Variants in UBE2QL1 observed in about 807,000 individuals in gnomAD.
UBE2QL1 encodes the protein ubiquitin conjugating enzyme E2 QL1.
A neutral mutation model predicts 12.6 loss-of-function variants in UBE2QL1; 5 were observed. That is an observed-to-expected ratio of 0.40 (90% CI 0.21 to 0.83). The LOEUF is 0.83. UBE2QL1 is among the 40% of genes least tolerant of loss of function. The pLI, the probability that UBE2QL1 is intolerant of heterozygous loss-of-function variation, is 0.37. For synonymous variants in UBE2QL1, 96 were observed against 94.5 expected (o/e 1.02, Z -0.10); for missense variants, 99 against 222.6 (o/e 0.44, Z 3.53).
chr5:6,465,476 A>G (rs1460567899), intron 1 of UBE2QL1, among the ~76,000 whole-genome samples: 1 of 152,240 alleles, frequency 6.6e-6, no homozygotes, highest in Non-Finnish European at 1.5e-5. Flanking sequence ...TTTTAATTTC[A>G]TAACAGAAAA....
In UBE2QL1 at chr5:6,495,476, G is replaced by A. The variant is rs372508252; in HGVS notation, c.*4127G>A. On this transcript the variant is annotated 3_prime_UTR_variant, in exon 2 of 2. Transcript: ENST00000399816. ...AGAGACTTTGAGGGGCTTGTCCACA[G>A]TAGGACAGGAGCCACAAGGCCACTG... 4.6e-5 allele frequency among the ~76,000 whole-genome samples: 7 copies of A among 152,302 alleles called. No homozygotes were observed. Among genetic ancestry groups the A allele is most frequent in the South Asian group, 2.1e-4 (1 of 4,824 alleles).
At chr5:6,475,099 AT>A (rs1315111597) in intron 1 of UBE2QL1, among the ~76,000 whole-genome samples, 7 of 152,182 alleles carry the variant, frequency 4.6e-5, no homozygotes, top group Non-Finnish European at 1.0e-4. Flanking sequence ...CGATTGAATT[AT>A]TTTCTTTAGC....
intron 1 of UBE2QL1, among the ~76,000 whole-genome samples, chr5:6,488,904 C>T (rs1405051290): frequency 6.6e-6 from 1 of 152,088 alleles, no homozygotes; most frequent in Non-Finnish European, 1.5e-5. Context: ...TTGATCTCAG[C>T]CCACAATTAT....
Position 6,495,111 on chromosome 5 carries a change from G to A in UBE2QL1, c.*3762G>A, listed in dbSNP as rs1156310596. Among the ~76,000 whole-genome samples, 1 of 152,116 alleles carries A rather than the reference G, an allele frequency of 6.6e-6. No individual in the cohort carries two copies. Among genetic ancestry groups the A allele is most frequent in the Non-Finnish European group, 1.5e-5 (1 of 68,028 alleles). On this transcript the variant is annotated 3_prime_UTR_variant, in exon 2 of 2. Transcript: ENST00000399816. The stretch of plus-strand genomic sequence containing the variant: ...AGCAGGTGTAGAAATGGGAGGGGCT[G>A]AGGGCACCTTGAAAGGGAGCGTGGA...
intron 1 of UBE2QL1, among the ~76,000 whole-genome samples, chr5:6,477,237 C>T (rs1435326520): frequency 6.6e-6 from 1 of 152,266 alleles, no homozygotes; most frequent in Non-Finnish European, 1.5e-5. Flanking sequence ...TGGCCGTGAC[C>T]TCCTCCCAGT....
intron 1 of UBE2QL1, among the ~76,000 whole-genome samples, chr5:6,484,901 G>A (rs1268024838): frequency 6.6e-6 from 1 of 151,882 alleles, no homozygotes; most frequent in East Asian, 1.9e-4. Context: ...ATGTGGCCTG[G>A]GGCTCCCTCC....
intron 1 of UBE2QL1, among the ~76,000 whole-genome samples, chr5:6,480,187 T>A (rs1044039689): frequency 4.6e-5 from 7 of 152,354 alleles, no homozygotes; most frequent in Non-Finnish European, 1.0e-4. Context: ...GGGTTCAGAG[T>A]GTGGCCTCCA....
intron 1 of UBE2QL1, among the ~76,000 whole-genome samples, chr5:6,470,263 A>G (rs989979489): frequency 6.6e-6 from 1 of 152,182 alleles, no homozygotes; most frequent in African/African-American, 2.4e-5. Context: ...TAATGCTATG[A>G]TTGCTCTTAC....
At chr5:6,472,470 T>G (rs1392940258) in intron 1 of UBE2QL1, among the ~76,000 whole-genome samples, 1 of 152,154 alleles carries the variant, frequency 6.6e-6, no homozygotes. Flanking sequence ...CCCTCTGTTT[T>G]GCCCCTTGAC....
At chr5:6,487,959 G>A (rs1329213572) in intron 1 of UBE2QL1, among the ~76,000 whole-genome samples, 1 of 152,222 alleles carries the variant, frequency 6.6e-6, no homozygotes, top group Non-Finnish European at 1.5e-5. Context: ...GGAAATAAAG[G>A]GGGAATGCAG....
Position 6,495,517 on chromosome 5 carries a change from C to G in UBE2QL1, c.*4168C>G, listed in dbSNP as rs975153471. Among the ~76,000 whole-genome samples the G allele has an allele frequency of 6.6e-6, 1 of 152,194 alleles. No homozygotes were observed. The highest frequency in any genetic ancestry group is 1.5e-5 in the Non-Finnish European group (1 of 68,044). ...AAGGCCACTGCCTTACTGTGGCTTT[C>G]TGATCCTTTATGTTGCTTCATGAGA... On this transcript the variant is annotated 3_prime_UTR_variant, in exon 2 of 2. Coordinates refer to ENST00000399816, the MANE Select transcript of UBE2QL1 (RefSeq NM_001145161.3).
At chr5:6,455,769 G>A (rs1217039251) in intron 1 of UBE2QL1, among the ~76,000 whole-genome samples, 1 of 151,522 alleles carries the variant, frequency 6.6e-6, no homozygotes, top group Non-Finnish European at 1.5e-5. Context: ...TCACCCACCA[G>A]TAACCACAGC....
At chr5:6,482,055 C>T (rs2126365957) in intron 1 of UBE2QL1, among the ~76,000 whole-genome samples, 1 of 152,272 alleles carries the variant, frequency 6.6e-6, no homozygotes, top group African/African-American at 2.4e-5. Flanking sequence ...GTCCCTAATC[C>T]AATGACTGGT....
intron 1 of UBE2QL1, among the ~76,000 whole-genome samples, chr5:6,460,553 G>A (rs868823980): frequency 5.9e-5 from 9 of 152,274 alleles, no homozygotes; most frequent in African/African-American, 2.2e-4. Context: ...TGCTGTGGAC[G>A]CTTGCTGTTG....
intron 1 of UBE2QL1, among the ~76,000 whole-genome samples, chr5:6,480,381 C>T (rs1734334808): frequency 6.6e-6 from 1 of 152,224 alleles, no homozygotes; most frequent in African/African-American, 2.4e-5. Flanking sequence ...ATCTTGAGAA[C>T]AGGGCCTGGC....
chr5:6,464,436 T>C (rs979523416), intron 1 of UBE2QL1, among the ~76,000 whole-genome samples: 1 of 152,246 alleles, frequency 6.6e-6, no homozygotes, highest in Non-Finnish European at 1.5e-5. Flanking sequence ...TCATAGCACA[T>C]ACCTTGTGGT....
intron 1 of UBE2QL1, among the ~76,000 whole-genome samples, chr5:6,455,689 G>C (rs1174024297): frequency 6.6e-6 from 1 of 152,090 alleles, no homozygotes; most frequent in Non-Finnish European, 1.5e-5. Flanking sequence ...GGGCAGCCCG[G>C]GTTGGAAAAG....
At chr5:6,490,480 T>G (rs1300958623) in intron 1 of UBE2QL1, among the ~76,000 whole-genome samples, 2 of 152,262 alleles carry the variant, frequency 1.3e-5, no homozygotes, top group Admixed American at 6.5e-5. Flanking sequence ...CTGGTCACTG[T>G]GAGGGAGCGT....
At position 6,478,987 on chromosome 5, in the gene UBE2QL1, G is replaced by T. The variant is rs1734295136; in HGVS notation, c.355-12231G>T. Among the ~76,000 whole-genome samples the T allele has an allele frequency of 6.6e-6, 1 of 152,116 alleles. No homozygotes were observed. Among genetic ancestry groups the T allele is most frequent in the South Asian group, 2.1e-4 (1 of 4,818 alleles). ...CCTTCCTAGGAGTGAGGAAGGCCAG[G>T]CCTCATGACAGAGCTGCCTGCCCTG... On this transcript the variant is annotated intron_variant, in intron 1 of 1. Transcript: ENST00000399816. This position sits in a 1 kb window ranked among gnomAD's most constrained non-coding sequence, Gnocchi z 4.5.
Sources: gnomAD v4.1 joint callset for allele counts (sites outside exome capture counted in the v4.1 genomes callset) on GRCh38, gnomAD v4.1.1 for gene constraint, Gnocchi (gnomAD v3.1) non-coding constraint, MANE v1.5 for transcripts, NCBI Gene and HGNC (gene_info 2026-07-23, HGNC 2026-07-21) for gene names.